PCSK5: variants seen among roughly 807,000 people sequenced by gnomAD.
PCSK5 encodes prohormone convertase 5.
PCSK5 carries 129 observed loss-of-function variants against 233.2 expected under a neutral mutation model. The ratio of observed to expected loss-of-function variants is 0.55; its 90% confidence interval spans 0.48 to 0.64. The LOEUF is 0.64. Among genes scored for constraint, PCSK5 ranks in the 30% least tolerant of loss-of-function variants. The pLI is 0.00. For missense variants in PCSK5, 2,076 were observed against 2,430.1 expected, an observed-to-expected ratio of 0.85 and a Z score of 3.06; for synonymous variants, 825 against 879.2, an observed-to-expected ratio of 0.94 and a Z score of 1.09.
intron 5 of PCSK5, among the ~76,000 whole-genome samples, chr9:76,040,405 C>G (rs1440668846): frequency 2.3e-5 from 3 of 131,706 alleles, no homozygotes; most frequent in East Asian, 2.3e-4. Context: ...CTCTCTCTCT[C>G]TCTCTCTCAA....
At chr9:76,176,055 G>A (rs949923197) in intron 14 of PCSK5, among the ~76,000 whole-genome samples, 2 of 150,992 alleles carry the variant, frequency 1.3e-5, no homozygotes, top group African/African-American at 4.9e-5. Context: ...GGGGTTTATG[G>A]TCTCAGATAT....
At chr9:76,089,470 A>G (rs1314914796) in intron 7 of PCSK5, among the ~76,000 whole-genome samples, 1 of 152,184 alleles carries the variant, frequency 6.6e-6, no homozygotes, top group Non-Finnish European at 1.5e-5. Context: ...ACTTAATGTT[A>G]TCAGTTTCCT....
intron 20 of PCSK5, chr9:76,194,874 C>G: frequency 5.5e-6 from 2 of 364,158 alleles, no homozygotes; most frequent in South Asian, 2.2e-5. Context: ...TTAGAAGATG[C>G]TGCTGGAGTC....
chr9:76,255,723 T>C (rs149828247), intron 24 of PCSK5, among the ~76,000 whole-genome samples: 98 of 152,214 alleles, frequency 6.4e-4, no homozygotes, highest in African/African-American at 2.2e-3. Context: ...TAGTCCCAGC[T>C]ACTTAGAAGG....
Position 76,358,676 on chromosome 9 carries a change from T to A in PCSK5, c.5418T>A (p.Tyr1806Ter). The A allele has an allele frequency of 6.2e-7, 1 of 1,612,778 alleles. No individual in the cohort carries two copies. The highest frequency in any genetic ancestry group is 8.5e-7 in the Non-Finnish European group (1 of 1,179,880). ...GRVQPAAKAG[Y>*]EKLADPNKSY... is the part of the protein sequence containing the mutation. ...TCCAGCCAGCAGCAAAGGCCGGCTA[T>A]GAAAAACTGGCCGACCCCAACAAGT... is the stretch of plus-strand genomic sequence containing the variant. The change falls in exon 38 of 38, where the codon TAT becomes TAA. Residue 1806 changes from tyrosine (Y) to a stop codon, truncating the protein, a stop_gained. Coordinates refer to ENST00000674117, the MANE Select transcript of PCSK5 (RefSeq NM_001372043.1). LOFTEE classifies it high-confidence loss of function.
At chr9:76,267,284 A>G (rs1034531815) in intron 24 of PCSK5, among the ~76,000 whole-genome samples, 2 of 152,180 alleles carry the variant, frequency 1.3e-5, no homozygotes, top group Non-Finnish European at 2.9e-5. Context: ...TAAAAGTAGA[A>G]ATGCAGGGGA....
intron 14 of PCSK5, among the ~76,000 whole-genome samples, chr9:76,179,037 T>C (rs1020653506): frequency 5.3e-5 from 8 of 152,178 alleles, no homozygotes; most frequent in Non-Finnish European, 8.8e-5. Context: ...GGCCTTTGTG[T>C]AGGATGCAAT....
chr9:76,360,311 T>G lies in PCSK5; in HGVS notation c.*1389T>G, dbSNP rs1830410951. On this transcript the variant is annotated 3_prime_UTR_variant, in exon 38 of 38. Coordinates refer to ENST00000674117, the MANE Select transcript of PCSK5 (RefSeq NM_001372043.1). The stretch of plus-strand genomic sequence containing the variant: ...TACCATACTCCCATGAGGTTGGTAT[T>G]GCTATTATTCTGTTCTTGTAGGAAA... 6.6e-6 allele frequency: 1 copy of G among 152,218 alleles called. No individual in the cohort carries two copies. Among genetic ancestry groups the G allele is most frequent in the African/African-American group, 2.4e-5 (1 of 41,442 alleles). The allele number at this position is 152,218 out of a possible 1,614,324, so 9.4% of individuals were successfully genotyped here. A position where few individuals can be genotyped will look rare whatever the true frequency, so the allele number is the denominator to read the frequency against.
At chr9:76,100,673 T>G (rs778388767) in intron 8 of PCSK5, among the ~76,000 whole-genome samples, 1 of 152,240 alleles carries the variant, frequency 6.6e-6, no homozygotes, top group Non-Finnish European at 1.5e-5. Flanking sequence ...TTACCTGTTT[T>G]GAGTTCTTTT....
At chr9:76,261,809 T>C (rs1474273877) in intron 24 of PCSK5, among the ~76,000 whole-genome samples, 1 of 152,184 alleles carries the variant, frequency 6.6e-6, no homozygotes, top group African/African-American at 2.4e-5. Flanking sequence ...TCTCTGTTTG[T>C]CTGTTATTGG....
chr9:76,295,529 G>T, intron 26 of PCSK5, 118 bp downstream of exon 26: 1 of 814,970 alleles, frequency 1.2e-6, no homozygotes. Context: ...GGCACCTCTG[G>T]CCCAAGGAGA....
intron 20 of PCSK5, among the ~76,000 whole-genome samples, chr9:76,201,379 T>C (rs1037182827): frequency 1.3e-5 from 2 of 152,310 alleles, no homozygotes; most frequent in African/African-American, 4.8e-5. Flanking sequence ...ATAGCCTGAT[T>C]CTATCTCCAT....
chr9:76,174,402 G>A (rs1440990445), intron 13 of PCSK5, among the ~76,000 whole-genome samples: 1 of 151,904 alleles, frequency 6.6e-6, no homozygotes, highest in Non-Finnish European at 1.5e-5. Flanking sequence ...CGCCTCCCAG[G>A]TTCAAGGGAT....
At chr9:76,064,182 G>A (rs1830160821) in intron 5 of PCSK5, among the ~76,000 whole-genome samples, 1 of 124,546 alleles carries the variant, frequency 8.0e-6, no homozygotes, top group South Asian at 2.6e-4. Flanking sequence ...CCAGGCGGGG[G>A]GCTGACCCCC....
At chr9:76,288,333 A>T (rs1587838289) in intron 24 of PCSK5, among the ~76,000 whole-genome samples, 1 of 152,202 alleles carries the variant, frequency 6.6e-6, no homozygotes, top group African/African-American at 2.4e-5. Flanking sequence ...CTGAGGCAGG[A>T]GGATTGCTTG....
At chr9:75,964,427 A>G (rs1825488886) in intron 2 of PCSK5, among the ~76,000 whole-genome samples, 1 of 152,104 alleles carries the variant, frequency 6.6e-6, no homozygotes, top group South Asian at 2.1e-4. Flanking sequence ...TTCTGACATT[A>G]TCTTAATGTT....
chr9:76,315,419 C>T (rs917478575), intron 30 of PCSK5, among the ~76,000 whole-genome samples: 2 of 152,088 alleles, frequency 1.3e-5, no homozygotes, highest in Non-Finnish European at 2.9e-5. Context: ...AGGCCCAGGA[C>T]CACACAGCTT....
intron 7 of PCSK5, among the ~76,000 whole-genome samples, chr9:76,085,924 G>A (rs1831045923): frequency 6.6e-6 from 1 of 152,144 alleles, no homozygotes; most frequent in Non-Finnish European, 1.5e-5. Context: ...CCAAGTGCCT[G>A]TCCAAATATT....
At chr9:76,338,537 G>A in intron 35 of PCSK5, 90 bp downstream of exon 35, 1 of 898,038 alleles carries the variant, frequency 1.1e-6, no homozygotes, top group South Asian at 1.6e-5. Context: ...CTCACCACCT[G>A]GGAGGTTCCT....
Sources: gnomAD v4.1 joint callset for allele counts (sites outside exome capture counted in the v4.1 genomes callset) on GRCh38, gnomAD v4.1.1 for gene constraint, MANE v1.5 for transcripts, NCBI Gene and HGNC (gene_info 2026-07-23, HGNC 2026-07-21) for gene names.